The following SLC22A4 variants were observed in gnomAD, a reference collection of about 807,000 sequenced individuals.
SLC22A4 encodes the protein solute carrier family 22 member 4, also known as ET transporter.
A neutral mutation model predicts 56.6 loss-of-function variants in SLC22A4; 39 were observed. The ratio of observed to expected loss-of-function variants is 0.69; its 90% CI spans 0.53 to 0.90. The LOEUF (loss-of-function observed/expected upper bound fraction) is 0.90. SLC22A4 is among the 40% of genes least tolerant of loss of function. The probability of loss-of-function intolerance (pLI) is 0.00; values close to 1 mark genes in which losing one functional copy is unlikely to be tolerated. For missense variants in SLC22A4, 594 were observed against 696.5 expected, an observed-to-expected ratio of 0.85 and a Z score of 1.66; for synonymous variants, 241 against 281.4, an observed-to-expected ratio of 0.86 and a Z score of 1.44.
intron 3 of SLC22A4, among the ~76,000 whole-genome samples, chr5:132,318,553 G>A (rs1397753254): frequency 2.0e-5 from 3 of 152,118 alleles, no homozygotes; most frequent in Non-Finnish European, 4.4e-5. Flanking sequence ...ATTTATGAAG[G>A]TGCATGTCCT....
intron 4 of SLC22A4, among the ~76,000 whole-genome samples, chr5:132,326,438 C>T (rs891855617): frequency 6.6e-6 from 1 of 152,180 alleles, no homozygotes. Context: ...CTACTCAATG[C>T]ATATCATTTT....
intron 3 of SLC22A4, among the ~76,000 whole-genome samples, chr5:132,319,519 T>C (rs1338723830): frequency 1.3e-5 from 2 of 152,196 alleles, no homozygotes; most frequent in Non-Finnish European, 2.9e-5. Flanking sequence ...TGTGCATGAA[T>C]TTAAGCAATT....
intron 8 of SLC22A4, among the ~76,000 whole-genome samples, chr5:132,339,511 CAT>C (rs763586484): frequency 4.1e-5 from 6 of 145,400 alleles, no homozygotes; most frequent in Non-Finnish European, 9.2e-5. Context: ...CACCTGAAAA[CAT>C]GTATGAATTC....
intron 8 of SLC22A4, among the ~76,000 whole-genome samples, chr5:132,339,384 C>T (rs1288601708): frequency 6.6e-6 from 1 of 151,970 alleles, no homozygotes; most frequent in African/African-American, 2.4e-5. Context: ...GGATCTGACA[C>T]CCCATGCCTG....
rs3840351 is a variant in SLC22A4, at chr5:132,332,730, GCA to G, written c.1046+916_1046+917del. On this transcript the variant is annotated intron_variant, in intron 6 of 9. Coordinates refer to ENST00000200652, the MANE Select transcript of SLC22A4 (RefSeq NM_003059.3). ...AGAAAATTCCTACTCTATGATGGCA[GCA>G]CACACACACACACACACACACACAC... 7.4e-3 allele frequency among the ~76,000 whole-genome samples: 1,072 copies of G among 145,586 alleles called. 8 individuals are homozygous for G. The highest frequency in any genetic ancestry group is 0.035 in the Middle Eastern group (10 of 284).
At chr5:132,311,701 A>G (rs1750184151) in intron 1 of SLC22A4, 1 of 193,980 alleles carries the variant, frequency 5.2e-6, no homozygotes, top group Non-Finnish European at 1.1e-5. Context: ...ACTTTTCAAC[A>G]AGGGAAAAGA....
At chr5:132,311,890 T>C (rs960625524) in intron 1 of SLC22A4, 18 of 535,300 alleles carry the variant, frequency 3.4e-5, no homozygotes, top group Non-Finnish European at 6.8e-6. Flanking sequence ...TGCTATGTAA[T>C]GCGAGCGGAG....
At chr5:132,312,596 C>T (rs1004998180) in intron 2 of SLC22A4, among the ~76,000 whole-genome samples, 1 of 152,206 alleles carries the variant, frequency 6.6e-6, no homozygotes, top group Non-Finnish European at 1.5e-5. Context: ...GCCCTCCCTG[C>T]TCCACCACCA....
intron 1 of SLC22A4, among the ~76,000 whole-genome samples, chr5:132,308,801 G>A (rs569934551): frequency 2.4e-4 from 36 of 152,342 alleles, no homozygotes; most frequent in African/African-American, 8.2e-4. Flanking sequence ...CCCCATCAGA[G>A]GGGCAGGGAG....
chr5:132,333,418 G>T (rs1297641136), intron 6 of SLC22A4, among the ~76,000 whole-genome samples: 1 of 152,248 alleles, frequency 6.6e-6, no homozygotes, highest in African/African-American at 2.4e-5. Context: ...GACGCGAGCA[G>T]GTGAGGGATC....
intron 1 of SLC22A4, among the ~76,000 whole-genome samples, chr5:132,308,372 ATTTTTTTTTTTTTTTTTTTTTTTT>A (rs56259514): frequency 6.4e-4 from 39 of 61,300 alleles, no homozygotes; most frequent in Admixed American, 2.4e-3. Flanking sequence ...TGATTAAGCA[ATTTTTTTTTTTTTTTTTTTTTTTT>A]TTTTTTTTTT....
rs1014026032 is a variant in SLC22A4 at position 132,334,593 on chromosome 5, A to G, written c.1047-125A>G. 76 of 774,584 alleles carry G rather than the reference A, an allele frequency of 9.8e-5. No homozygotes were observed. The highest frequency in any genetic ancestry group is 3.5e-5 in the Admixed American group (2 of 56,752). The allele number at this position is 774,584 out of a possible 1,614,324, so 48.0% of individuals were successfully genotyped here. A position where few individuals can be genotyped will look rare whatever the true frequency, so the allele number is the denominator to read the frequency against. On this transcript the variant is annotated intron_variant, in intron 6 of 9. Transcript: ENST00000200652. ...TCTTATTTAATTTTAATTTATTCAAATTTAAGTAGCCAATGAGGGTAGTGG... is the reference window on the plus strand; with the variant it reads ...TCTTATTTAATTTTAATTTATTCAAGTTTAAGTAGCCAATGAGGGTAGTGG...
intron 6 of SLC22A4, chr5:132,332,451 A>C (rs564398232): frequency 6.4e-6 from 1 of 155,122 alleles, no homozygotes; most frequent in South Asian, 2.0e-4. Flanking sequence ...CCCACCAAAA[A>C]TTATGAGATT....
chr5:132,322,469 G>A lies in SLC22A4; in HGVS notation c.824+114G>A, dbSNP rs547719916. 103 of 1,036,910 alleles carry A rather than the reference G, an allele frequency of 9.9e-5. 2 individuals carry two copies. The South Asian group carries it at 1.2e-3, about 12-fold the overall frequency. 64.2% of individuals were successfully genotyped at this position (1,036,910 alleles called of 1,614,324 possible). ...CTTGCATGACCTCCACGGAACTCGC[G>A]GAGGCCAGCTTCCAAGCCGGGAGAG... On this transcript the variant is annotated intron_variant, in intron 4 of 9. Transcript: ENST00000200652.
intron 1 of SLC22A4, among the ~76,000 whole-genome samples, chr5:132,299,961 C>A (rs1749874235): frequency 6.6e-6 from 1 of 152,166 alleles, no homozygotes; most frequent in Non-Finnish European, 1.5e-5. Flanking sequence ...ACCAGTTTTT[C>A]TACTACTGCC....
chr5:132,326,476 G>T (rs182566901), intron 4 of SLC22A4, among the ~76,000 whole-genome samples: 2 of 152,004 alleles, frequency 1.3e-5, no homozygotes, highest in East Asian at 1.9e-4. Context: ...ATCATAAGTC[G>T]AACCATCATA....
chr5:132,336,171 C>T (rs545815104), intron 8 of SLC22A4, among the ~76,000 whole-genome samples, 171 bp downstream of exon 8: 3 of 150,654 alleles, frequency 2.0e-5, no homozygotes, highest in East Asian at 2.1e-4. Context: ...TGGTGAGTAG[C>T]GCTACAGACA....
Position 132,334,749 on chromosome 5 carries a change from T to A in SLC22A4, c.1078T>A (p.Ser360Thr). The change falls in exon 7 of 10, where the codon TCT (serine) becomes ACT (threonine). Residue 360 changes from serine to threonine, a missense_variant. Coordinates refer to ENST00000200652, the MANE Select transcript of SLC22A4 (RefSeq NM_003059.3). ...MLTSVGYFAL[S>T]LDAPNLHGDA... ...GACCTCAGTGGGTTACTTTGCTCTG[T>A]CTCTGGATGCTCCTAATTTACATGG... 3 of 1,614,068 alleles carry A rather than the reference T, an allele frequency of 1.9e-6. No individual in the cohort carries two copies. Among genetic ancestry groups the A allele is most frequent in the Non-Finnish European group, 2.5e-6 (3 of 1,179,900 alleles).
chr5:132,310,284 G>A (rs1221121541), intron 1 of SLC22A4, among the ~76,000 whole-genome samples: 1 of 152,188 alleles, frequency 6.6e-6, no homozygotes, highest in African/African-American at 2.4e-5. Context: ...TGCAAAATGG[G>A]TCACACCACA....
Sources: gnomAD v4.1 joint callset for allele counts (sites outside exome capture counted in the v4.1 genomes callset) on GRCh38, gnomAD v4.1.1 for gene constraint, MANE v1.5 for transcripts, NCBI Gene and HGNC (gene_info 2026-07-23, HGNC 2026-07-21) for gene names.